Variants in CSMD2 observed in about 807,000 individuals in gnomAD.
The protein encoded by CSMD2 is CUB and Sushi multiple domains 2.
In CSMD2, 130 loss-of-function variants were observed where a neutral mutation model predicts 398.5. That is an observed-to-expected ratio of 0.33 (90% CI 0.28 to 0.38). The LOEUF (loss-of-function observed/expected upper bound fraction) is 0.38. Ranked by LOEUF, CSMD2 falls within the 10% of genes least tolerant of loss-of-function variation. CSMD2 has a pLI of 1.00. For missense variants in CSMD2, 3,829 were observed against 4,764.9 expected (o/e 0.80, Z 5.78); for synonymous variants, 1,828 against 1,908.5 (o/e 0.96, Z 1.10).
chr1:34,103,719 G>T (rs954350773), intron 1 of CSMD2, among the ~76,000 whole-genome samples: 1 of 151,448 alleles, frequency 6.6e-6, no homozygotes, highest in East Asian at 2.0e-4. Flanking sequence ...TATTAGGTTG[G>T]TGCAAAGGTA....
rs1659381848 is a variant in CSMD2 at position 33,569,495 on chromosome 1, T to A, written c.8010A>T (p.Thr2670=). The A allele has an allele frequency of 1.9e-6, 3 of 1,614,024 alleles. No individual in the cohort carries two copies. The highest frequency in any genetic ancestry group is 2.5e-6 in the Non-Finnish European group (3 of 1,180,018). Residue 2670 remains threonine (T), a synonymous_variant, in exon 52 of 71, where the codon ACA becomes ACT. Transcript: ENST00000373381. ...TGGCTGTTGCCCCGTAGACAGACAG[T>A]GTTCCGATGCGGTGGCCATTGGGGG... ...PIPPNGHRIG[T]LSVYGATAIF...
At chr1:33,590,401 G>A (rs1639355698) in intron 44 of CSMD2, among the ~76,000 whole-genome samples, 4 of 144,232 alleles carry the variant, frequency 2.8e-5, no homozygotes, top group South Asian at 2.2e-4. Flanking sequence ...ACCTCCCAAA[G>A]TGCTGGGATT....
intron 5 of CSMD2, among the ~76,000 whole-genome samples, chr1:33,911,780 C>G (rs1171899869): frequency 6.6e-6 from 1 of 152,188 alleles, no homozygotes; most frequent in Non-Finnish European, 1.5e-5. Flanking sequence ...GAGCAGGCAT[C>G]CTATTCTTCT....
chr1:33,734,592 C>A (rs1646824811), intron 15 of CSMD2, among the ~76,000 whole-genome samples: 1 of 152,072 alleles, frequency 6.6e-6, no homozygotes, highest in East Asian at 1.9e-4. Flanking sequence ...TGAGACCAGT[C>A]TGGCCAACAT....
At chr1:34,098,702 C>A (rs879746600) in intron 1 of CSMD2, among the ~76,000 whole-genome samples, 2 of 151,962 alleles carry the variant, frequency 1.3e-5, no homozygotes, top group Admixed American at 1.3e-4. Context: ...GCTGGATCAA[C>A]TAATAAACTG....
chr1:33,546,760 G>A (rs2148615685), intron 56 of CSMD2, among the ~76,000 whole-genome samples: 1 of 150,650 alleles, frequency 6.6e-6, no homozygotes, highest in South Asian at 2.1e-4. Context: ...TTTTCCTGCA[G>A]AAACATCTTT....
intron 9 of CSMD2, among the ~76,000 whole-genome samples, chr1:33,815,868 C>T (rs563678626): frequency 6.6e-6 from 1 of 152,116 alleles, no homozygotes; most frequent in Non-Finnish European, 1.5e-5. Context: ...CAGTATGTGT[C>T]ATCCAGGGAA....
intron 13 of CSMD2, among the ~76,000 whole-genome samples, chr1:33,759,426 C>T (rs535369664): frequency 2.7e-5 from 4 of 148,604 alleles, no homozygotes; most frequent in Admixed American, 1.4e-4. Context: ...CCCGGGTTCA[C>T]GCCATTCTCC....
At chr1:33,609,326 A>G (rs368025412) in intron 41 of CSMD2, among the ~76,000 whole-genome samples, 8 of 152,344 alleles carry the variant, frequency 5.3e-5, no homozygotes, top group African/African-American at 1.9e-4. Flanking sequence ...CCCCCTCAGT[A>G]TTCTTCTCTG....
At chr1:33,669,839 G>A (rs1644434085) in intron 25 of CSMD2, among the ~76,000 whole-genome samples, 1 of 152,138 alleles carries the variant, frequency 6.6e-6, no homozygotes, top group South Asian at 2.1e-4. Context: ...GAGACACAGG[G>A]AAGGAGACCA....
intron 11 of CSMD2, among the ~76,000 whole-genome samples, chr1:33,790,657 GTCTGTCTATCTATCTA>G (rs1181476063): frequency 1.6e-4 from 19 of 120,374 alleles, no homozygotes; most frequent in East Asian, 1.1e-3. Context: ...TTTGCTGTTT[GTCTGTCTATCTATCTA>G]TCTATCTATC....
intron 5 of CSMD2, among the ~76,000 whole-genome samples, chr1:33,908,105 A>G (rs12736556): frequency 0.18 from 26,133 of 148,514 alleles, 3,109 homozygotes; most frequent in Non-Finnish European, 0.26. Flanking sequence ...AAAAAAAAAA[A>G]AAGAAAAGTA....
intron 3 of CSMD2, among the ~76,000 whole-genome samples, chr1:33,965,836 T>A (rs1645536915): frequency 1.3e-5 from 2 of 152,330 alleles, no homozygotes; most frequent in East Asian, 3.9e-4. Flanking sequence ...AAGCTGGCCC[T>A]GAATGCGGAT....
intron 68 of CSMD2, among the ~76,000 whole-genome samples, chr1:33,520,437 C>T (rs1386525426): frequency 6.6e-6 from 1 of 152,178 alleles, no homozygotes; most frequent in East Asian, 1.9e-4. Context: ...CAGAAGAACA[C>T]AAGTAGAAAC....
At chr1:34,117,755 T>G (rs1661751811) in intron 1 of CSMD2, among the ~76,000 whole-genome samples, 1 of 152,096 alleles carries the variant, frequency 6.6e-6, no homozygotes, top group African/African-American at 2.4e-5. Flanking sequence ...CAACAATATA[T>G]TAAAAGGATT....
chr1:33,773,434 C>G (rs559747798), intron 12 of CSMD2, among the ~76,000 whole-genome samples: 1 of 152,326 alleles, frequency 6.6e-6, no homozygotes, highest in Non-Finnish European at 1.5e-5. Context: ...CTTGAGTCAA[C>G]AGTGGTGAGA....
At chr1:33,997,971 AC>A (rs373515409) in intron 3 of CSMD2, among the ~76,000 whole-genome samples, 91 of 152,242 alleles carry the variant, frequency 6.0e-4, no homozygotes, top group African/African-American at 2.2e-3. Flanking sequence ...CAGACCAAGG[AC>A]CCTGTTATGA....
intron 5 of CSMD2, among the ~76,000 whole-genome samples, chr1:33,896,945 T>C (rs6662850): frequency 0.76 from 115,301 of 151,042 alleles, 44,257 homozygotes; most frequent in South Asian, 0.92. Flanking sequence ...AAGGAAGCCA[T>C]TGTGGCTGGG....
At chr1:34,034,224 T>C (rs570322410) in intron 2 of CSMD2, among the ~76,000 whole-genome samples, 1 of 152,210 alleles carries the variant, frequency 6.6e-6, no homozygotes, top group African/African-American at 2.4e-5. Flanking sequence ...ATGGGAGCTG[T>C]CCATGGCATG....
Sources: allele counts gnomAD v4.1 joint callset (sites outside exome capture counted in the v4.1 genomes callset), GRCh38; gene constraint gnomAD v4.1.1; transcripts MANE v1.5; gene names NCBI Gene and HGNC (gene_info 2026-07-23, HGNC 2026-07-21).